The following THSD4 variants were observed in gnomAD, a reference collection of about 807,000 sequenced individuals.
The protein encoded by THSD4 is thrombospondin type 1 domain containing 4, also known as thrombospondin type-1 domain-containing protein 4.
Under a neutral mutation model 119.0 loss-of-function variants are expected in THSD4, and 69 were observed. The observed-to-expected ratio is 0.58, with a 90% CI of 0.48 to 0.71. THSD4 has a LOEUF of 0.71. Among genes scored for constraint, THSD4 ranks in the 30% least tolerant of loss-of-function variants. The pLI is 0.00. For synonymous variants in THSD4, 524 were observed against 540.4 expected, an observed-to-expected ratio of 0.97 and a Z score of 0.42; for missense variants, 1,393 against 1,391.1, an observed-to-expected ratio of 1.00 and a Z score of -0.02.
chr15:71,720,518 A>C (rs1189484808), intron 8 of THSD4, among the ~76,000 whole-genome samples: 2 of 152,262 alleles, frequency 1.3e-5, no homozygotes, highest in African/African-American at 4.8e-5. Context: ...ACAGTCCTGC[A>C]TACTATTATG....
chr15:71,192,221 G>T (rs530738215), intron 3 of THSD4, among the ~76,000 whole-genome samples: 5 of 151,814 alleles, frequency 3.3e-5, no homozygotes, highest in Non-Finnish European at 5.9e-5. Context: ...TTTCCAAACT[G>T]TCCAAATTCC....
chr15:71,545,258 A>T (rs1369812318), intron 7 of THSD4, among the ~76,000 whole-genome samples: 1 of 152,188 alleles, frequency 6.6e-6, no homozygotes, highest in Non-Finnish European at 1.5e-5. Flanking sequence ...TTTGTGACAC[A>T]GGGGCCATTG....
At chr15:71,475,837 G>A (rs2047647610) in intron 7 of THSD4, among the ~76,000 whole-genome samples, 1 of 152,140 alleles carries the variant, frequency 6.6e-6, no homozygotes, top group Non-Finnish European at 1.5e-5. Flanking sequence ...TGAGGCAAGA[G>A]GATTGCTTGA....
upstream of THSD4, chr15:71,112,342 T>C (rs1341015056): frequency 3.7e-6 from 4 of 1,081,710 alleles, no homozygotes; most frequent in Non-Finnish European, 5.1e-6. Flanking sequence ...TAATTAATAA[T>C]TATAATAGGA....
chr15:71,440,715 G>A (rs1334903277), intron 7 of THSD4, among the ~76,000 whole-genome samples: 1 of 152,124 alleles, frequency 6.6e-6, no homozygotes, highest in Non-Finnish European at 1.5e-5. Context: ...CTCAAAAGCA[G>A]CTCATAGGGA....
At chr15:71,688,645 C>T (rs79141281) in intron 8 of THSD4, among the ~76,000 whole-genome samples, 1 of 149,482 alleles carries the variant, frequency 6.7e-6, no homozygotes, top group East Asian at 2.0e-4. Context: ...GTTTAATCAT[C>T]TTCATTGTTT....
intron 7 of THSD4, among the ~76,000 whole-genome samples, chr15:71,612,942 G>A (rs2050256079): frequency 6.6e-6 from 1 of 152,194 alleles, no homozygotes; most frequent in African/African-American, 2.4e-5. Context: ...TATCTTGAGT[G>A]TTATTGTTTG....
Position 71,360,894 on chromosome 15 carries a change from T to G in THSD4, c.1016-50793T>G, listed in dbSNP as rs78052357. 1.4e-4 allele frequency among the ~76,000 whole-genome samples: 22 copies of G among 152,340 alleles called. No homozygotes were observed. The East Asian group carries it at 4.2e-3, about 29-fold the overall frequency. ...ACAGGGGAGATGGATATCTTAGAGA[T>G]AATTTTAATGGAAGTTTGCATATGA... On this transcript the variant is annotated intron_variant, in intron 6 of 17. Coordinates refer to ENST00000261862, the MANE Select transcript of THSD4 (RefSeq NM_024817.3).
intron 6 of THSD4, among the ~76,000 whole-genome samples, chr15:71,396,161 GAC>G (rs1464754244): frequency 6.6e-6 from 1 of 151,916 alleles, no homozygotes; most frequent in Non-Finnish European, 1.5e-5. Flanking sequence ...CATACATGTA[GAC>G]ACATGTATAT....
chr15:71,334,948 C>A (rs1244438518), intron 6 of THSD4, among the ~76,000 whole-genome samples: 1 of 152,196 alleles, frequency 6.6e-6, no homozygotes, highest in Non-Finnish European at 1.5e-5. Flanking sequence ...CTAAGTGACA[C>A]ACTGGAGCAG....
intron 7 of THSD4, among the ~76,000 whole-genome samples, chr15:71,481,693 A>AAAAG (rs10624716): frequency 0.98 from 149,143 of 152,204 alleles, 73,137 homozygotes; most frequent in South Asian, 1. Flanking sequence ...AATAAGAAAA[A>AAAAG]GAAGGACAAG....
chr15:71,347,172 C>A (rs1468777178), intron 6 of THSD4, among the ~76,000 whole-genome samples: 2 of 152,212 alleles, frequency 1.3e-5, no homozygotes, highest in East Asian at 3.9e-4. Context: ...CCGTGCCCGG[C>A]TCATTCTCAT....
At chr15:71,158,349 C>T (rs981095636) in intron 3 of THSD4, among the ~76,000 whole-genome samples, 16 of 152,026 alleles carry the variant, frequency 1.1e-4, no homozygotes, top group African/African-American at 3.9e-4. Flanking sequence ...GACGGGGTTT[C>T]TCCATGTTGA....
At chr15:71,336,215 C>T (rs1380638338) in intron 6 of THSD4, among the ~76,000 whole-genome samples, 1 of 152,142 alleles carries the variant, frequency 6.6e-6, no homozygotes. Context: ...TTTTCAACTT[C>T]TAGAATAAAA....
intron 7 of THSD4, among the ~76,000 whole-genome samples, chr15:71,465,920 G>T (rs374163512): frequency 6.6e-6 from 1 of 152,208 alleles, no homozygotes; most frequent in East Asian, 1.9e-4. Flanking sequence ...TGAGTGAAAG[G>T]CCTGGGAAGA....
chr15:71,141,399 G>C, intron 1 of THSD4, 50 bp from the exon 2 acceptor site: 1 of 1,026,566 alleles, frequency 9.7e-7, no homozygotes, highest in Non-Finnish European at 1.4e-6. Context: ...TACGCTTCTA[G>C]AATCTTCCTA....
intron 14 of THSD4, among the ~76,000 whole-genome samples, chr15:71,754,287 A>G (rs1219785695): frequency 2.0e-5 from 3 of 152,008 alleles, no homozygotes; most frequent in Admixed American, 2.0e-4. Context: ...ATGGGGTTTC[A>G]CTATGTTGGC....
intron 6 of THSD4, among the ~76,000 whole-genome samples, chr15:71,275,329 C>T (rs1179086600): frequency 2.6e-5 from 4 of 152,198 alleles, no homozygotes; most frequent in Non-Finnish European, 5.9e-5. Flanking sequence ...TAAGACTTCT[C>T]CAGGAAATCC....
intron 6 of THSD4, among the ~76,000 whole-genome samples, chr15:71,321,951 C>G (rs2045274926): frequency 6.7e-6 from 1 of 150,236 alleles, no homozygotes; most frequent in Non-Finnish European, 1.5e-5. Flanking sequence ...TCAACAATTG[C>G]AAATATTAAC....
Sources: allele counts gnomAD v4.1 joint callset (sites outside exome capture counted in the v4.1 genomes callset), GRCh38; gene constraint gnomAD v4.1.1; transcripts MANE v1.5; gene names NCBI Gene and HGNC (gene_info 2026-07-23, HGNC 2026-07-21).